The following BTNL2 variants were observed in gnomAD, a reference collection of about 807,000 sequenced individuals.
BTNL2 encodes butyrophilin like 2.
A neutral mutation model predicts 46.8 loss-of-function variants in BTNL2; 46 were observed. That is an observed-to-expected ratio of 0.98 (90% CI 0.78 to 1.26). BTNL2 has a LOEUF of 1.26. BTNL2 is among the 50% of genes most tolerant of loss of function. BTNL2 has a pLI of 0.00. For missense variants in BTNL2, 461 were observed against 592.6 expected, an observed-to-expected ratio of 0.78 and a Z score of 2.31; for synonymous variants, 226 against 229.1, an observed-to-expected ratio of 0.99 and a Z score of 0.12.
At position 32,394,639 on chromosome 6, in the gene BTNL2, T is replaced by G. The variant is rs2076534; in HGVS notation, c.1360+105A>C. ...GGATAGCAGGAGACCTCGTCAGAGATCAGCAAATAAAAATCACAAAGGAAG... is the reference window on the plus strand; with the variant it reads ...GGATAGCAGGAGACCTCGTCAGAGAGCAGCAAATAAAAATCACAAAGGAAG... On this transcript the variant is annotated intron_variant, in intron 6 of 7. Transcript: ENST00000454136. The surrounding 1 kb of genome is among the most constrained non-coding windows in gnomAD (Gnocchi z 4.6). 1,056,048 of 1,330,578 alleles carry G rather than the reference T, an allele frequency of 0.79. 420,131 individuals are homozygous for G. Among genetic ancestry groups the G allele is most frequent in the Middle Eastern group, 0.82 (4,274 of 5,230 alleles). 82.4% of individuals were successfully genotyped at this position (1,330,578 alleles called of 1,614,324 possible).
At position 32,394,810 on chromosome 6, in the gene BTNL2, C is replaced by T. The variant is rs772957919; in HGVS notation, c.1294G>A (p.Asp432Asn). 1.9e-6 allele frequency: 3 copies of T among 1,614,244 alleles called. No homozygotes were observed. In the Admixed American group the frequency reaches 5.0e-5, roughly 27 times the overall value. ...LLRVTNISAV[D>N]VTCSISIPFL... ...GGGATGCTGATGGAACAAGTGACGT[C>T]CACAGCGGAGATGTTTGTGACCCTT... is the stretch of plus-strand genomic sequence containing the variant. Residue 432 changes from aspartate (D) to asparagine (N), a missense_variant, in exon 6 of 8, where the codon GAC (aspartate) becomes AAC (asparagine). Asp to Asn is a conservative substitution (Grantham distance 23, BLOSUM62 1). Transcript: ENST00000454136. The surrounding 1 kb of genome is among the most constrained non-coding windows in gnomAD (Gnocchi z 4.6).
Position 32,403,157 on chromosome 6 carries a change from C to A in BTNL2, c.487G>T (p.Val163Leu). 1 of 1,612,520 alleles carries A rather than the reference C, an allele frequency of 6.2e-7. No homozygotes were observed. The highest frequency in any genetic ancestry group is 8.5e-7 in the Non-Finnish European group (1 of 1,179,792). Reference sequence around the variant, plus strand: ...GGGAACCAGCCCCTTGCAGTGCACACAAGCTGGACTCCACTCTCCCCAGGT... The same window carrying A: ...GGGAACCAGCCCCTTGCAGTGCACAAAAGCTGGACTCCACTCTCCCCAGGT... ...EGPGESGVQL[V>L]CTARGWFPEP... Residue 163 changes from valine to leucine, a missense_variant, in exon 3 of 8, where the codon GTG becomes TTG. By Grantham distance (32) the Val-to-Leu change is conservative (BLOSUM62 1). Coordinates refer to ENST00000454136, the MANE Select transcript of BTNL2 (RefSeq NM_001304561.2).
At chr6:32,398,958 T>C (rs118150546) in intron 4 of BTNL2, among the ~76,000 whole-genome samples, 2,281 of 151,906 alleles carry the variant, frequency 0.015, 77 homozygotes, top group East Asian at 0.094. Flanking sequence ...GGGGTACATG[T>C]GCAGGATGTG....
At chr6:32,398,693 T>G (rs976505137) in intron 4 of BTNL2, among the ~76,000 whole-genome samples, 5 of 152,156 alleles carry the variant, frequency 3.3e-5, no homozygotes, top group Non-Finnish European at 4.4e-5. Flanking sequence ...CTGCCTGACA[T>G]AGGTAATTAA....
At chr6:32,405,743 A>C (rs1777095157) in intron 1 of BTNL2, among the ~76,000 whole-genome samples, 1 of 142,866 alleles carries the variant, frequency 7.0e-6, no homozygotes, top group Admixed American at 7.3e-5. Context: ...AAGTTTAGAT[A>C]ATAAATCCAT....
At position 32,394,334 on chromosome 6, in the gene BTNL2, A is replaced by G. The variant is rs539276288; in HGVS notation, c.1361-277T>C. Among the ~76,000 whole-genome samples the G allele has an allele frequency of 1.5e-3, 228 of 152,332 alleles. No homozygotes were observed. Among genetic ancestry groups the G allele is most frequent in the African/African-American group, 5.3e-3 (220 of 41,560 alleles). On this transcript the variant is annotated intron_variant, in intron 6 of 7. Coordinates refer to ENST00000454136, the MANE Select transcript of BTNL2 (RefSeq NM_001304561.2). This position sits in a 1 kb window ranked among gnomAD's most constrained non-coding sequence, Gnocchi z 4.6. ...ACTGGAATGACTTGAGGAGGAAAGG[A>G]TAAAATTACTCAAGCCGCAACCATG... is the stretch of plus-strand genomic sequence containing the variant.
At position 32,394,656 on chromosome 6, in the gene BTNL2, C is replaced by A. The variant is rs41443753; in HGVS notation, c.1360+88G>T. 0.15 allele frequency: 218,388 copies of A among 1,441,432 alleles called. 17,780 individuals are homozygous for A. The highest frequency in any genetic ancestry group is 0.23 in the East Asian group (9,842 of 43,358). 89.3% of individuals were successfully genotyped at this position (1,441,432 alleles called of 1,614,324 possible). A position where few individuals can be genotyped will look rare whatever the true frequency, so the allele number is the denominator to read the frequency against. The stretch of plus-strand genomic sequence containing the variant: ...GTCAGAGATCAGCAAATAAAAATCA[C>A]AAAGGAAGAAGAGCAATACAATGAG... On this transcript the variant is annotated intron_variant, in intron 6 of 7. Coordinates refer to ENST00000454136, the MANE Select transcript of BTNL2 (RefSeq NM_001304561.2). The surrounding 1 kb of genome is among the most constrained non-coding windows in gnomAD (Gnocchi z 4.6).
chr6:32,404,146 A>G (rs1407984017), intron 2 of BTNL2, among the ~76,000 whole-genome samples: 2 of 152,238 alleles, frequency 1.3e-5, no homozygotes, highest in Non-Finnish European at 2.9e-5. Context: ...CTCCCAGGGA[A>G]GTAAAGAAGG....
chr6:32,399,221 G>C lies in BTNL2; in HGVS notation c.730+2564C>G, dbSNP rs530463864. On this transcript the variant is annotated intron_variant, in intron 4 of 7. Coordinates refer to ENST00000454136, the MANE Select transcript of BTNL2 (RefSeq NM_001304561.2). This position sits in a 1 kb window ranked among gnomAD's most constrained non-coding sequence, Gnocchi z 5.2. ...ATACGGTTTTGTACACAGCCTTCCAGACAATTTTGTGCTGAAATGTATTGC... is the reference window on the plus strand; with the variant it reads ...ATACGGTTTTGTACACAGCCTTCCACACAATTTTGTGCTGAAATGTATTGC... 6.6e-6 allele frequency among the ~76,000 whole-genome samples: 1 copy of C among 152,328 alleles called. No individual in the cohort carries two copies. Among genetic ancestry groups the C allele is most frequent in the South Asian group, 2.1e-4 (1 of 4,830 alleles).
At position 32,395,152 on chromosome 6, in the gene BTNL2, A is replaced by G. The variant is rs1776367818; in HGVS notation, c.1079-127T>C. 6 of 902,480 alleles carry G rather than the reference A, an allele frequency of 6.6e-6. 1 individual carries two copies. The highest frequency in any genetic ancestry group is 9.7e-6 in the Non-Finnish European group (6 of 616,846). 55.9% of individuals were successfully genotyped at this position (902,480 alleles called of 1,614,324 possible). A position where few individuals can be genotyped will look rare whatever the true frequency, so the allele number is the denominator to read the frequency against. On this transcript the variant is annotated intron_variant, in intron 5 of 7. Transcript: ENST00000454136. ...GGGAGAAAAGCTTAAGGGGGATTGC[A>G]CTCCACTTAGGGATGAGGCTGGCTG... is the stretch of plus-strand genomic sequence containing the variant.
intron 2 of BTNL2, among the ~76,000 whole-genome samples, chr6:32,403,441 G>T (rs1776919026): frequency 6.6e-6 from 1 of 152,202 alleles, no homozygotes; most frequent in Non-Finnish European, 1.5e-5. Context: ...CTTTTCTCCA[G>T]ATCCAGAAAG....
chr6:32,399,141 A>C lies in BTNL2; in HGVS notation c.730+2644T>G, dbSNP rs536149085. ...CCCTGCCATGCATCCATGTGTTCTC[A>C]CCAATCAGCTCCCCCTTATAAGTGT... is the stretch of plus-strand genomic sequence containing the variant. On this transcript the variant is annotated intron_variant, in intron 4 of 7. Transcript: ENST00000454136. The surrounding 1 kb of genome is among the most constrained non-coding windows in gnomAD (Gnocchi z 5.2). Among the ~76,000 whole-genome samples the C allele has an allele frequency of 7.2e-5, 11 of 152,254 alleles. No individual in the cohort carries two copies. The highest frequency in any genetic ancestry group is 2.1e-4 in the South Asian group (1 of 4,824).
rs143385136 is a variant in BTNL2, at chr6:32,393,705, T to G, written c.*6+258A>C. The G allele has an allele frequency of 1.8e-4, 64 of 357,880 alleles. No individual in the cohort carries two copies. Among genetic ancestry groups the G allele is most frequent in the Non-Finnish European group, 2.7e-4 (54 of 203,426 alleles). The allele number at this position is 357,880 out of a possible 1,614,324, so 22.2% of individuals were successfully genotyped here. A position where few individuals can be genotyped will look rare whatever the true frequency, so the allele number is the denominator to read the frequency against. On this transcript the variant is annotated intron_variant, in intron 7 of 7. Coordinates refer to ENST00000454136, the MANE Select transcript of BTNL2 (RefSeq NM_001304561.2). This position sits in a 1 kb window ranked among gnomAD's most constrained non-coding sequence, Gnocchi z 4.8. ...TCTTCTTCTTCCCTAACCAGATCAC[T>G]GGGGAATGGGCAGCAGGAAATCAAA...
At position 32,394,285 on chromosome 6, in the gene BTNL2, C is replaced by G. The variant is rs77542271; in HGVS notation, c.1361-228G>C. Among the ~76,000 whole-genome samples, 4,300 of 152,206 alleles carry G rather than the reference C, an allele frequency of 0.028. 90 individuals are homozygous for G. The highest frequency in any genetic ancestry group is 0.038 in the Non-Finnish European group (2,565 of 67,996). On this transcript the variant is annotated intron_variant, in intron 6 of 7. Coordinates refer to ENST00000454136, the MANE Select transcript of BTNL2 (RefSeq NM_001304561.2). The surrounding 1 kb of genome is among the most constrained non-coding windows in gnomAD (Gnocchi z 4.6). ...CATGCACAGACAAGTTTTCCCTTCTCTCTTCCAACTATATCACACAATCAC... is the reference window on the plus strand; with the variant it reads ...CATGCACAGACAAGTTTTCCCTTCTGTCTTCCAACTATATCACACAATCAC...
In BTNL2 at chr6:32,393,743, A is replaced by C; in HGVS notation, c.*6+220T>G. ...GCAGGAAATCAAATCATTATCTTTT[A>C]ATCATTTTGCTTCTATTACAAGTGG... On this transcript the variant is annotated intron_variant, in intron 7 of 7. Transcript: ENST00000454136. This position sits in a 1 kb window ranked among gnomAD's most constrained non-coding sequence, Gnocchi z 4.8. 1 of 482,328 alleles carries C rather than the reference A, an allele frequency of 2.1e-6. No homozygotes were observed. The highest frequency in any genetic ancestry group is 3.5e-6 in the Non-Finnish European group (1 of 289,190). 29.9% of individuals were successfully genotyped at this position (482,328 alleles called of 1,614,324 possible). A position where few individuals can be genotyped will look rare whatever the true frequency, so the allele number is the denominator to read the frequency against.
At chr6:32,398,360 C>T (rs1212657725) in intron 4 of BTNL2, among the ~76,000 whole-genome samples, 3 of 152,318 alleles carry the variant, frequency 2.0e-5, no homozygotes, top group South Asian at 2.1e-4. Flanking sequence ...AAGTCCCTGT[C>T]AACACAATTT....
chr6:32,395,519 T>G (rs1418019430), intron 5 of BTNL2, among the ~76,000 whole-genome samples: 1 of 152,222 alleles, frequency 6.6e-6, no homozygotes, highest in Non-Finnish European at 1.5e-5. Context: ...TGGGCCTATA[T>G]GTACTCAATG....
At chr6:32,397,727 G>A (rs1776536079) in intron 4 of BTNL2, among the ~76,000 whole-genome samples, 1 of 146,410 alleles carries the variant, frequency 6.8e-6, no homozygotes, top group South Asian at 2.1e-4. Context: ...GAGCAGAGGT[G>A]CACAGACCTG....
intron 3 of BTNL2, 120 bp from the exon 4 acceptor site, chr6:32,401,925 AT>A (rs3834855): frequency 0.18 from 130,325 of 742,750 alleles, 12,886 homozygotes; most frequent in East Asian, 0.23. Flanking sequence ...CATTAAAAAA[AT>A]GAAATGCAGA....
Sources: gnomAD v4.1 joint callset for allele counts (sites outside exome capture counted in the v4.1 genomes callset) on GRCh38, gnomAD v4.1.1 for gene constraint, Gnocchi (gnomAD v3.1) non-coding constraint, MANE v1.5 for transcripts, NCBI Gene and HGNC (gene_info 2026-07-23, HGNC 2026-07-21) for gene names.